The following NBAS variants were observed in gnomAD, a reference collection of about 807,000 sequenced individuals.
NBAS encodes NBAS subunit of NRZ tethering complex.
In NBAS, 219 loss-of-function variants were observed where a neutral mutation model predicts 302.5. The observed-to-expected ratio is 0.72, with a 90% CI of 0.65 to 0.81. The LOEUF (loss-of-function observed/expected upper bound fraction) is 0.81. Among genes scored for constraint, NBAS ranks in the 30% least tolerant of loss-of-function variants. The probability of loss-of-function intolerance (pLI) is 0.00; values close to 1 mark genes in which losing one functional copy is unlikely to be tolerated. For synonymous variants in NBAS, 1,118 were observed against 1,021.6 expected, an observed-to-expected ratio of 1.09 and a Z score of -1.80; for missense variants, 2,932 against 2,841.6, an observed-to-expected ratio of 1.03 and a Z score of -0.72.
the NBAS span, among the ~76,000 whole-genome samples, chr2:14,987,305 C>T: frequency 3.2e-4 from 49 of 151,956 alleles, no homozygotes; most frequent in African/African-American, 1.1e-3. Context: ...ATTCATAAAA[C>T]AGTATTGCTG....
intron 42 of NBAS, among the ~76,000 whole-genome samples, chr2:15,279,843 G>A (rs574192431): frequency 1.9e-4 from 29 of 152,220 alleles, no homozygotes; most frequent in African/African-American, 7.0e-4. Flanking sequence ...GAAGAAAGAA[G>A]CTGTTATCTT....
the NBAS span, among the ~76,000 whole-genome samples, chr2:15,000,315 G>C: frequency 6.6e-6 from 1 of 152,104 alleles, no homozygotes; most frequent in South Asian, 2.1e-4. Context: ...AGATACTCCT[G>C]GGTAACTCTG....
chr2:14,938,006 T>G, the NBAS span, among the ~76,000 whole-genome samples: 1 of 152,040 alleles, frequency 6.6e-6, no homozygotes, highest in African/African-American at 2.4e-5. Context: ...TACGCACATG[T>G]AATCCTAGCT....
Position 15,308,442 on chromosome 2 carries a change from T to A in NBAS, c.4660-89A>T, listed in dbSNP as rs1195247330. 7.3e-6 allele frequency: 11 copies of A among 1,515,876 alleles called. No individual in the cohort carries two copies. In the African/African-American group the frequency reaches 9.7e-5, roughly 13 times the overall value. 93.9% of individuals were successfully genotyped at this position (1,515,876 alleles called of 1,614,324 possible). On this transcript the variant is annotated intron_variant, in intron 39 of 51. Coordinates refer to ENST00000281513, the MANE Select transcript of NBAS (RefSeq NM_015909.4). ...TTATATTTCTAGTCATTCCTGCAGA[T>A]TTTTTGTACAAAGTTCCCATTACAT... is the stretch of plus-strand genomic sequence containing the variant.
At chr2:15,145,681 C>T in the NBAS span, among the ~76,000 whole-genome samples, 1 of 152,032 alleles carries the variant, frequency 6.6e-6, no homozygotes, top group Non-Finnish European at 1.5e-5. Context: ...CCCACTCCTG[C>T]TGCAAAAGTA....
chr2:14,901,948 G>A, the NBAS span, among the ~76,000 whole-genome samples: 7 of 152,186 alleles, frequency 4.6e-5, no homozygotes, highest in Non-Finnish European at 8.8e-5. Context: ...AAACACCCAT[G>A]GGATCTGGCT....
the NBAS span, among the ~76,000 whole-genome samples, chr2:15,122,677 C>T: frequency 1.3e-5 from 2 of 152,164 alleles, no homozygotes; most frequent in South Asian, 2.1e-4. Context: ...AAAAGCAGAG[C>T]TTTCCAAACT....
intron 48 of NBAS, among the ~76,000 whole-genome samples, chr2:15,199,728 C>T (rs1057143472): frequency 6.6e-6 from 1 of 152,014 alleles, no homozygotes; most frequent in Non-Finnish European, 1.5e-5. Context: ...ATTTTTTCCT[C>T]TTCCATAGGA....
At chr2:14,795,438 C>A in the NBAS span, among the ~76,000 whole-genome samples, 1 of 148,974 alleles carries the variant, frequency 6.7e-6, no homozygotes, top group Non-Finnish European at 1.5e-5. Context: ...TATTTATTGG[C>A]TTATTATTAT....
the NBAS span, among the ~76,000 whole-genome samples, chr2:14,992,461 G>T: frequency 6.6e-6 from 1 of 152,186 alleles, no homozygotes; most frequent in Non-Finnish European, 1.5e-5. Flanking sequence ...TGCACAATTT[G>T]TAATGGTGCC....
At chr2:14,983,042 G>T in the NBAS span, among the ~76,000 whole-genome samples, 1 of 152,130 alleles carries the variant, frequency 6.6e-6, no homozygotes, top group African/African-American at 2.4e-5. Context: ...GAATCTTTAG[G>T]CTACACCACT....
chr2:15,025,334 T>C, the NBAS span, among the ~76,000 whole-genome samples: 1 of 152,228 alleles, frequency 6.6e-6, no homozygotes, highest in South Asian at 2.1e-4. Flanking sequence ...GTGTCTGTTT[T>C]TGAACCATTA....
chr2:15,254,981 G>A (rs963922495), intron 44 of NBAS, among the ~76,000 whole-genome samples: 1 of 152,076 alleles, frequency 6.6e-6, no homozygotes, highest in Non-Finnish European at 1.5e-5. Flanking sequence ...GGCATTTTAG[G>A]CTGGTTCCAT....
the NBAS span, among the ~76,000 whole-genome samples, chr2:14,978,553 G>A: frequency 2.9e-3 from 446 of 152,236 alleles, 1 homozygote; most frequent in African/African-American, 0.01. Context: ...ATAGAATTCT[G>A]GCTTTGAATG....
At chr2:14,970,015 AAAATAAACTTTTCAATTT>A in the NBAS span, among the ~76,000 whole-genome samples, 1 of 152,260 alleles carries the variant, frequency 6.6e-6, no homozygotes, top group Non-Finnish European at 1.5e-5. Flanking sequence ...AAACTTTTAG[AAAATAAACTTTTCAATTT>A]AAATAAACTT....
chr2:15,307,663 C>A (rs1314054237), intron 40 of NBAS, among the ~76,000 whole-genome samples: 1 of 152,112 alleles, frequency 6.6e-6, no homozygotes, highest in Non-Finnish European at 1.5e-5. Flanking sequence ...CAAAAGAAGG[C>A]ACATGTAACT....
At chr2:14,860,168 C>T in the NBAS span, among the ~76,000 whole-genome samples, 3 of 151,920 alleles carry the variant, frequency 2.0e-5, no homozygotes, top group Admixed American at 2.0e-4. Context: ...CAGTTAAAAT[C>T]GCTTTTATCA....
chr2:15,269,230 T>C (rs1004554415), intron 44 of NBAS, among the ~76,000 whole-genome samples: 14 of 152,172 alleles, frequency 9.2e-5, no homozygotes, highest in African/African-American at 3.1e-4. Context: ...GGCAGGGATA[T>C]GTGAAACATA....
the NBAS span, among the ~76,000 whole-genome samples, chr2:14,900,667 T>C: frequency 6.6e-6 from 1 of 152,216 alleles, no homozygotes; most frequent in Non-Finnish European, 1.5e-5. Flanking sequence ...AATGGCAAGA[T>C]GGGCACTGGA....
Sources: allele counts gnomAD v4.1 joint callset (sites outside exome capture counted in the v4.1 genomes callset), GRCh38; gene constraint gnomAD v4.1.1; transcripts MANE v1.5; gene names NCBI Gene and HGNC (gene_info 2026-07-23, HGNC 2026-07-21).